Variants in AP2B1 observed in about 807,000 individuals in gnomAD.
AP2B1 encodes AP-2 complex subunit beta.
A neutral mutation model predicts 102.0 loss-of-function variants in AP2B1; 23 were observed. The ratio of observed to expected loss-of-function variants is 0.23; its 90% CI spans 0.16 to 0.32. AP2B1 has a LOEUF of 0.32. AP2B1 is among the 10% of genes least tolerant of loss of function. The pLI, the probability that AP2B1 is intolerant of heterozygous loss-of-function variation, is 1.00. For synonymous variants in AP2B1, 381 were observed against 421.2 expected (o/e 0.90, Z 1.17); for missense variants, 541 against 1,157.4 (o/e 0.47, Z 7.73).
chr17:35,596,817 A>AGGCCCCGCAGGCGCTGCCC (rs1335539910), intron 2 of AP2B1: 1 of 647,694 alleles, frequency 1.5e-6, no homozygotes, highest in African/African-American at 1.8e-5. Context: ...CAGCGCTGCC[A>AGGCCCCGCAGGCGCTGCCC]GGCCCCGCAG....
chr17:35,661,790 C>T (rs1424069009), intron 14 of AP2B1, among the ~76,000 whole-genome samples: 1 of 152,092 alleles, frequency 6.6e-6, no homozygotes, highest in East Asian at 1.9e-4. Context: ...GTGATCTTCC[C>T]TTAGATCTTG....
intron 14 of AP2B1, among the ~76,000 whole-genome samples, chr17:35,665,857 C>T (rs1035697483): frequency 6.6e-6 from 1 of 152,220 alleles, no homozygotes; most frequent in African/African-American, 2.4e-5. Flanking sequence ...GTACTTTGGA[C>T]TGGCCAGACA....
chr17:35,711,051 G>T (rs935477221), intron 20 of AP2B1, among the ~76,000 whole-genome samples: 2 of 152,164 alleles, frequency 1.3e-5, no homozygotes, highest in East Asian at 1.9e-4. Context: ...CATGAAAGGG[G>T]TATCCCAAGA....
In AP2B1 at chr17:35,627,639, A is replaced by G. The variant is rs374337746; in HGVS notation, c.1068A>G (p.Ala356=). ...ASQANIAQVL[A]ELKEYATEVD... The stretch of plus-strand genomic sequence containing the variant: ...CTTCCTGGGTTTAACAGGTTCTGGC[A>G]GAACTGAAAGAATATGCTACAGAGG... Residue 356 remains alanine (A), a synonymous_variant, in exon 9 of 22, where the codon GCA becomes GCG. Transcript: ENST00000610402. 4.7e-5 allele frequency: 76 copies of G among 1,614,068 alleles called. No individual in the cohort carries two copies. Among genetic ancestry groups the G allele is most frequent in the Non-Finnish European group, 6.0e-5 (71 of 1,179,976 alleles).
At chr17:35,629,673 AAG>A (rs1237857622) in intron 9 of AP2B1, among the ~76,000 whole-genome samples, 8 of 152,218 alleles carry the variant, frequency 5.3e-5, no homozygotes, top group Non-Finnish European at 1.2e-4. Flanking sequence ...CTGTTTAAGA[AAG>A]AGGTAACAGA....
chr17:35,717,181 A>C lies in AP2B1; in HGVS notation c.2627-14A>C. ...TTTAACTGAAGGTGTTGGATTTTGA[A>C]TCTGTATTTCTAGACACTGTTTCCA... On this transcript the variant is annotated splice_polypyrimidine_tract_variant and intron_variant, in intron 20 of 21. Transcript: ENST00000610402. The C allele has an allele frequency of 6.2e-7, 1 of 1,612,596 alleles. No individual in the cohort carries two copies. Among genetic ancestry groups the C allele is most frequent in the South Asian group, 1.1e-5 (1 of 90,940 alleles).
chr17:35,632,689 G>A, intron 9 of AP2B1, among the ~76,000 whole-genome samples: 2 of 151,300 alleles, frequency 1.3e-5, no homozygotes, highest in South Asian at 2.1e-4. Flanking sequence ...AAGCAGTATG[G>A]TTGAGATGAT....
rs2074658932 is a variant in AP2B1, at chr17:35,637,990, CT to C, written c.1271+1541del. ...CATGAGCCACTGTGCCCAGCCTAAA[CT>C]TTTTTTAATTAACTTTTTTGTTTGT... On this transcript the variant is annotated intron_variant, in intron 10 of 21. Coordinates refer to ENST00000610402, the MANE Select transcript of AP2B1 (RefSeq NM_001030006.2). Among the ~76,000 whole-genome samples the C allele has an allele frequency of 1.3e-5, 2 of 151,712 alleles. 1 individual carries two copies. The highest frequency in any genetic ancestry group is 2.9e-5 in the Non-Finnish European group (2 of 67,876).
rs1053750128 is a variant in AP2B1 at position 35,717,338 on chromosome 17, C to A, written c.2770C>A (p.Pro924Thr). 6.2e-7 allele frequency: 1 copy of A among 1,614,054 alleles called. No individual in the cohort carries two copies. The highest frequency in any genetic ancestry group is 8.5e-7 in the Non-Finnish European group (1 of 1,179,962). Residue 924 changes from proline to threonine, a missense_variant, in exon 21 of 22, where the codon CCC becomes ACC. Pro to Thr is a conservative substitution (Grantham distance 38). Around this residue, in one of 10 missense-constraint regions of AP2B1, gnomAD observed 117 missense variants for 206.7 expected, o/e 0.57. Coordinates refer to ENST00000610402, the MANE Select transcript of AP2B1 (RefSeq NM_001030006.2). ...CGAACTACGTATCCAGCCAGGAAACCCCAATTACACGGTAAGGCCTTTCTC... is the reference window on the plus strand; with the variant it reads ...CGAACTACGTATCCAGCCAGGAAACACCAATTACACGGTAAGGCCTTTCTC... ...LAELRIQPGN[P>T]NYTLSLKCRA...
At chr17:35,651,403 C>G (rs1013478191) in intron 13 of AP2B1, among the ~76,000 whole-genome samples, 1 of 152,076 alleles carries the variant, frequency 6.6e-6, no homozygotes, top group Non-Finnish European at 1.5e-5. Flanking sequence ...GGAGCTCTTG[C>G]TTTGTAGCTA....
intron 1 of AP2B1, among the ~76,000 whole-genome samples, chr17:35,590,575 A>C (rs1205617464): frequency 6.6e-6 from 1 of 152,166 alleles, no homozygotes; most frequent in Non-Finnish European, 1.5e-5. Flanking sequence ...ATGGTTAGGG[A>C]ATATTTTGTT....
chr17:35,658,282 C>CTTCT (rs1555571298), intron 14 of AP2B1, among the ~76,000 whole-genome samples: 1,522 of 141,080 alleles, frequency 0.011, 14 homozygotes, highest in Middle Eastern at 0.058. Flanking sequence ...TCTTCTTCTT[C>CTTCT]TTTTTTTTTT....
At chr17:35,691,423 G>A (rs587597782) in intron 18 of AP2B1, among the ~76,000 whole-genome samples, 2 of 152,178 alleles carry the variant, frequency 1.3e-5, no homozygotes, top group African/African-American at 2.4e-5. Flanking sequence ...ACTGGTAGAC[G>A]CTTCCAAGCG....
chr17:35,638,436 C>G (rs967163452), intron 10 of AP2B1, among the ~76,000 whole-genome samples: 1 of 152,232 alleles, frequency 6.6e-6, no homozygotes, highest in South Asian at 2.1e-4. Flanking sequence ...ATTTTAATTA[C>G]TTCTTTCTTT....
chr17:35,588,521 A>T (rs2072976894), intron 1 of AP2B1: 1 of 152,252 alleles, frequency 6.6e-6, no homozygotes, highest in South Asian at 2.1e-4. Context: ...AAAGAAAGTA[A>T]ATGCATTAAG....
intron 1 of AP2B1, chr17:35,588,578 T>A (rs1375002024): frequency 6.6e-6 from 1 of 152,236 alleles, no homozygotes; most frequent in Non-Finnish European, 1.5e-5. Flanking sequence ...TCAATGAGAA[T>A]CAATTTAAAT....
intron 14 of AP2B1, among the ~76,000 whole-genome samples, chr17:35,669,142 CTTT>C (rs11340791): frequency 5.9e-5 from 8 of 135,626 alleles, no homozygotes; most frequent in East Asian, 2.1e-4. Context: ...TTGGGGATGC[CTTT>C]TTTTTTTTTT....
intron 5 of AP2B1, among the ~76,000 whole-genome samples, chr17:35,609,240 A>G (rs967258504): frequency 6.6e-6 from 1 of 152,164 alleles, no homozygotes; most frequent in Non-Finnish European, 1.5e-5. Context: ...GCTGGAGTGC[A>G]GTGGTGCAGT....
chr17:35,597,340 CT>C (rs1257018988), intron 2 of AP2B1, among the ~76,000 whole-genome samples: 2 of 151,986 alleles, frequency 1.3e-5, no homozygotes, highest in Non-Finnish European at 2.9e-5. Context: ...TTGTTACTTT[CT>C]TTTTTATTTT....
Sources: gnomAD v4.1 joint callset for allele counts (sites outside exome capture counted in the v4.1 genomes callset) on GRCh38, gnomAD v4.1.1 for gene constraint, gnomAD v4.1.1 regional missense constraint, MANE v1.5 for transcripts, NCBI Gene and HGNC (gene_info 2026-07-23, HGNC 2026-07-21) for gene names.